The following ARSK variants were observed in gnomAD, a reference collection of about 807,000 sequenced individuals.
The protein encoded by ARSK is arylsulfatase family member K.
ARSK carries 37 observed loss-of-function variants against 53.2 expected under a neutral mutation model. The observed-to-expected ratio is 0.70, with a 90% CI of 0.54 to 0.92. ARSK has a LOEUF of 0.92. ARSK is among the 40% of genes least tolerant of loss of function. The pLI is 0.00. For synonymous variants in ARSK, 208 were observed against 223.2 expected, an observed-to-expected ratio of 0.93 and a Z score of 0.61; for missense variants, 613 against 643.0, an observed-to-expected ratio of 0.95 and a Z score of 0.51.
chr5:95,587,434 A>G (rs1671362538), intron 5 of ARSK, among the ~76,000 whole-genome samples: 1 of 152,234 alleles, frequency 6.6e-6, no homozygotes, highest in South Asian at 2.1e-4. Flanking sequence ...TTAGGAATGA[A>G]GCATAATTGT....
At chr5:95,560,661 G>T (rs1009980796) in intron 1 of ARSK, among the ~76,000 whole-genome samples, 1 of 151,660 alleles carries the variant, frequency 6.6e-6, no homozygotes, top group Non-Finnish European at 1.5e-5. Context: ...ACCCTGCCTT[G>T]CACCATACAC....
At chr5:95,575,246 A>T (rs1443371736) in intron 3 of ARSK, among the ~76,000 whole-genome samples, 1 of 152,190 alleles carries the variant, frequency 6.6e-6, no homozygotes, top group Non-Finnish European at 1.5e-5. Context: ...TGGTTACTAA[A>T]GCTCTGTAGT....
chr5:95,580,061 A>G (rs181841459), intron 3 of ARSK, among the ~76,000 whole-genome samples: 1 of 152,312 alleles, frequency 6.6e-6, no homozygotes, highest in Admixed American at 6.5e-5. Flanking sequence ...AGAGGAAACT[A>G]TACATTGTAT....
chr5:95,588,420 A>T (rs769404831), intron 5 of ARSK, among the ~76,000 whole-genome samples: 14 of 151,736 alleles, frequency 9.2e-5, no homozygotes, highest in Non-Finnish European at 2.1e-4. Context: ...TATTTTTAGT[A>T]GAGACGGGGT....
At chr5:95,584,640 A>G (rs1035003879) in intron 4 of ARSK, among the ~76,000 whole-genome samples, 1 of 152,198 alleles carries the variant, frequency 6.6e-6, no homozygotes, top group Non-Finnish European at 1.5e-5. Context: ...TTCGCAATCT[A>G]TACATCTGAC....
rs568313172 is a variant in ARSK at position 95,585,678 on chromosome 5, C to T, written c.700-884C>T. Among the ~76,000 whole-genome samples, 3 of 152,044 alleles carry T rather than the reference C, an allele frequency of 2.0e-5. No individual in the cohort carries two copies. In the South Asian group the frequency reaches 6.2e-4, roughly 32 times the overall value. On this transcript the variant is annotated intron_variant, in intron 4 of 7. Coordinates refer to ENST00000380009, the MANE Select transcript of ARSK (RefSeq NM_198150.3). Reference sequence around the variant, plus strand: ...GACTGGTTGGGGGAAGGTGGATAGGCGTGAGGGATAAAAGACTACATACAA... The same window carrying T: ...GACTGGTTGGGGGAAGGTGGATAGGTGTGAGGGATAAAAGACTACATACAA...
At chr5:95,578,525 A>G (rs1377095793) in intron 3 of ARSK, among the ~76,000 whole-genome samples, 1 of 152,152 alleles carries the variant, frequency 6.6e-6, no homozygotes. Context: ...TTAGGTCGAT[A>G]CAGAGATTTG....
At chr5:95,601,815 C>CA (rs1229489890) in intron 7 of ARSK, among the ~76,000 whole-genome samples, 4 of 152,214 alleles carry the variant, frequency 2.6e-5, no homozygotes, top group Non-Finnish European at 5.9e-5. Context: ...CAACCCCCTT[C>CA]ACTTGAAGAG....
rs143869031 is a variant in ARSK at position 95,601,498 on chromosome 5, G to A, written c.1321+427G>A. Among the ~76,000 whole-genome samples, 264 of 152,318 alleles carry A rather than the reference G, an allele frequency of 1.7e-3. 2 individuals are homozygous for A. The highest frequency in any genetic ancestry group is 5.8e-3 in the African/African-American group (241 of 41,558). ...ATCCTCATTTTACAGAGGAGTCTAT[G>A]AGAGAAATTTGGATACCTGTGTGAG... On this transcript the variant is annotated intron_variant, in intron 7 of 7. Transcript: ENST00000380009.
In ARSK at chr5:95,575,219, C is replaced by T. The variant is rs28763611; in HGVS notation, c.416+7170C>T. 1.1e-3 allele frequency among the ~76,000 whole-genome samples: 168 copies of T among 152,228 alleles called. 1 individual carries two copies. Among genetic ancestry groups the T allele is most frequent in the Non-Finnish European group, 1.8e-3 (120 of 68,004 alleles). ...TTGGTCTTACGTGTCTGTTTTTATG[C>T]CAGTACCATGCTATTTTGGTTACTA... On this transcript the variant is annotated intron_variant, in intron 3 of 7. Transcript: ENST00000380009.
intron 1 of ARSK, 63 bp from the exon 2 acceptor site, chr5:95,565,935 T>TA: frequency 6.9e-7 from 1 of 1,450,982 alleles, no homozygotes; most frequent in Non-Finnish European, 9.3e-7. Flanking sequence ...ATTTTATGGT[T>TA]AAAGAAAATA....
intron 4 of ARSK, 46 bp downstream of exon 4, chr5:95,583,244 G>T: frequency 2.9e-6 from 4 of 1,385,968 alleles, no homozygotes; most frequent in South Asian, 3.9e-5. Flanking sequence ...TTATATATGT[G>T]GCTTATTGGT....
At chr5:95,602,934 C>T (rs1749427532) in intron 7 of ARSK, among the ~76,000 whole-genome samples, 1 of 151,946 alleles carries the variant, frequency 6.6e-6, no homozygotes, top group Non-Finnish European at 1.5e-5. Flanking sequence ...ACATCAAAAA[C>T]AGGAAGAACT....
chr5:95,565,511 T>A (rs543153820), intron 1 of ARSK, among the ~76,000 whole-genome samples: 15 of 152,336 alleles, frequency 9.8e-5, no homozygotes, highest in African/African-American at 3.4e-4. Flanking sequence ...AAGGCTTCCC[T>A]GTCCACACTG....
Position 95,555,394 on chromosome 5 carries a change from G to T in ARSK, c.116G>T (p.Ser39Ile), listed in dbSNP as rs1163709663. 1.9e-6 allele frequency: 3 copies of T among 1,606,812 alleles called. No homozygotes were observed. The African/African-American group carries it at 4.0e-5, about 22-fold the overall frequency. ...AKAPNVVLVV[S>I]DSFDGRLTFH... ...GCGCCCAATGTGGTGCTGGTCGTGA[G>T]CGACTCCTTCGTAAGTACCGCGAGG... Residue 39 changes from serine (S) to isoleucine (I), a missense_variant, in exon 1 of 8, where the codon AGC (serine) becomes ATC (isoleucine). Transcript: ENST00000380009. This position sits in a 1 kb window ranked among gnomAD's most constrained non-coding sequence, Gnocchi z 4.0.
At chr5:95,580,743 A>C (rs1435766936) in intron 3 of ARSK, 3 of 276,772 alleles carry the variant, frequency 1.1e-5, no homozygotes, top group Non-Finnish European at 1.9e-5. Flanking sequence ...AGAGTCATTG[A>C]TTATAATTAT....
intron 6 of ARSK, among the ~76,000 whole-genome samples, chr5:95,592,292 A>G (rs1258514902): frequency 6.6e-6 from 1 of 152,134 alleles, no homozygotes; most frequent in Non-Finnish European, 1.5e-5. Context: ...AGTACCCTCA[A>G]TTCATAAATT....
intron 3 of ARSK, among the ~76,000 whole-genome samples, chr5:95,573,358 A>G (rs950185537): frequency 1.3e-5 from 2 of 152,210 alleles, no homozygotes; most frequent in African/African-American, 4.8e-5. Flanking sequence ...AAAAAATTTA[A>G]TATTAAGTAG....
Position 95,603,800 on chromosome 5 carries a change from CAG to C in ARSK, c.*277_*278del, listed in dbSNP as rs1749454597. On this transcript the variant is annotated 3_prime_UTR_variant, in exon 8 of 8. Transcript: ENST00000380009. ...GTGCACACCTATAGTCTCAGCTACT[CAG>C]AGGCTGAGGCAGGAGGATCGCTTGA... is the stretch of plus-strand genomic sequence containing the variant. 1 of 175,614 alleles carries C rather than the reference CAG, an allele frequency of 5.7e-6. No individual in the cohort carries two copies. The highest frequency in any genetic ancestry group is 6.2e-5 in the Admixed American group (1 of 16,002). 10.9% of individuals were successfully genotyped at this position (175,614 alleles called of 1,614,324 possible).
Sources: allele counts gnomAD v4.1 joint callset (sites outside exome capture counted in the v4.1 genomes callset), GRCh38; gene constraint gnomAD v4.1.1; non-coding constraint Gnocchi (gnomAD v3.1); transcripts MANE v1.5; gene names NCBI Gene and HGNC (gene_info 2026-07-23, HGNC 2026-07-21).